PPARGC1A: variants seen among roughly 807,000 people sequenced by gnomAD.
PPARGC1A encodes peroxisome proliferator-activated receptor gamma coactivator 1-alpha.
Under a neutral mutation model 88.7 loss-of-function variants are expected in PPARGC1A, and 25 were observed. The ratio of observed to expected loss-of-function variants is 0.28; its 90% confidence interval spans 0.21 to 0.39. The LOEUF (loss-of-function observed/expected upper bound fraction) is 0.39, where lower values mean the gene tolerates loss of function less well. PPARGC1A is among the 10% of genes least tolerant of loss of function. PPARGC1A has a pLI of 1.00. For missense variants in PPARGC1A, 880 were observed against 968.7 expected, an observed-to-expected ratio of 0.91 and a Z score of 1.22; for synonymous variants, 363 against 355.6, an observed-to-expected ratio of 1.02 and a Z score of -0.24.
At chr4:24,223,737 T>C in the PPARGC1A span, among the ~76,000 whole-genome samples, 3 of 152,192 alleles carry the variant, frequency 2.0e-5, no homozygotes, top group African/African-American at 4.8e-5. Context: ...ATAGTAACTA[T>C]GGAAGTTGTA....
intron 3 of PPARGC1A, among the ~76,000 whole-genome samples, chr4:23,830,995 A>G (rs1196175423): frequency 6.6e-6 from 1 of 152,234 alleles, no homozygotes; most frequent in Non-Finnish European, 1.5e-5. Flanking sequence ...GATTGTATGT[A>G]TAAGAATAAA....
intron 7 of PPARGC1A, among the ~76,000 whole-genome samples, chr4:23,819,645 G>T (rs1722625379): frequency 6.6e-6 from 1 of 151,988 alleles, no homozygotes; most frequent in Non-Finnish European, 1.5e-5. Flanking sequence ...TTCCAGAGAA[G>T]AAAAATTAGG....
At chr4:24,112,651 G>A in the PPARGC1A span, among the ~76,000 whole-genome samples, 1 of 152,170 alleles carries the variant, frequency 6.6e-6, no homozygotes, top group Admixed American at 6.5e-5. Context: ...CTGTTAATGT[G>A]GTTGATGATT....
chr4:24,242,536 G>A, the PPARGC1A span, among the ~76,000 whole-genome samples: 3 of 152,110 alleles, frequency 2.0e-5, no homozygotes, highest in Non-Finnish European at 2.9e-5. Flanking sequence ...TGACCTCAGC[G>A]GCAGAGTTTG....
chr4:23,812,437 A>G (rs1018802185), intron 10 of PPARGC1A, among the ~76,000 whole-genome samples: 2 of 152,198 alleles, frequency 1.3e-5, no homozygotes, highest in African/African-American at 4.8e-5. Context: ...TCCTGTGATC[A>G]GAAAGAACAA....
At chr4:23,976,822 A>T in the PPARGC1A span, among the ~76,000 whole-genome samples, 478 of 152,260 alleles carry the variant, frequency 3.1e-3, 2 homozygotes, top group Non-Finnish European at 4.0e-3. Flanking sequence ...TGGCCTCCAG[A>T]ACTGTGAGAA....
At chr4:24,407,241 T>C in the PPARGC1A span, among the ~76,000 whole-genome samples, 1 of 152,336 alleles carries the variant, frequency 6.6e-6, no homozygotes, top group Non-Finnish European at 1.5e-5. Flanking sequence ...TTACTCTTCA[T>C]GTATAAACTG....
At chr4:23,802,532 G>C (rs1160350661) in intron 10 of PPARGC1A, among the ~76,000 whole-genome samples, 187 bp from the exon 11 acceptor site, 1 of 151,878 alleles carries the variant, frequency 6.6e-6, no homozygotes. Context: ...ACAAAAATTG[G>C]CCAGGTGTGG....
At chr4:24,443,368 C>T in the PPARGC1A span, among the ~76,000 whole-genome samples, 9 of 151,640 alleles carry the variant, frequency 5.9e-5, no homozygotes, top group South Asian at 2.1e-4. Flanking sequence ...TGAGAGATGA[C>T]GTCACACCTG....
In PPARGC1A at chr4:23,836,896, G is replaced by A. The variant is rs568658367; in HGVS notation, c.235-5145C>T. Among the ~76,000 whole-genome samples the A allele has an allele frequency of 3.3e-5, 5 of 152,266 alleles. No individual in the cohort carries two copies. In the South Asian group the frequency reaches 1.0e-3, roughly 32 times the overall value. ...CCACTAAATTAAGGAGGAGAGGAGG[G>A]ACTCTGAGATGCTAACTGCCACCTG... On this transcript the variant is annotated intron_variant, in intron 2 of 12. Coordinates refer to ENST00000264867, the MANE Select transcript of PPARGC1A (RefSeq NM_013261.5).
chr4:24,104,536 G>C, the PPARGC1A span, among the ~76,000 whole-genome samples: 1 of 152,142 alleles, frequency 6.6e-6, no homozygotes, highest in African/African-American at 2.4e-5. Context: ...GCAAAGGATG[G>C]ACCGTCCTTG....
the PPARGC1A span, among the ~76,000 whole-genome samples, chr4:24,159,815 GA>G: frequency 6.6e-6 from 1 of 152,174 alleles, no homozygotes. Flanking sequence ...TTGGCAGTCA[GA>G]ATTTGAGGTC....
chr4:24,368,202 G>C, the PPARGC1A span, among the ~76,000 whole-genome samples: 44 of 152,240 alleles, frequency 2.9e-4, no homozygotes, highest in African/African-American at 9.1e-4. Context: ...GAAAACTACA[G>C]TAAGAAGGAA....
intron 7 of PPARGC1A, 59 bp from the exon 8 acceptor site, chr4:23,814,664 A>C: frequency 4.4e-6 from 6 of 1,354,562 alleles, no homozygotes; most frequent in Non-Finnish European, 5.9e-6. Context: ...GACAGAGATA[A>C]TGTTCTTAAA....
At chr4:24,120,785 A>G in the PPARGC1A span, among the ~76,000 whole-genome samples, 1 of 152,138 alleles carries the variant, frequency 6.6e-6, no homozygotes, top group Non-Finnish European at 1.5e-5. Context: ...CAGGAAGGCC[A>G]TGAGTGTCTA....
the PPARGC1A span, among the ~76,000 whole-genome samples, chr4:24,449,244 G>A: frequency 1.3e-5 from 2 of 152,152 alleles, no homozygotes; most frequent in African/African-American, 4.8e-5. Flanking sequence ...TTGGGGAGAT[G>A]GATTTGAGGG....
the PPARGC1A span, among the ~76,000 whole-genome samples, chr4:24,345,952 C>G: frequency 1.3e-5 from 2 of 152,024 alleles, no homozygotes; most frequent in African/African-American, 4.8e-5. Context: ...AAGGTATATG[C>G]CTTGTATGCT....
the PPARGC1A span, among the ~76,000 whole-genome samples, chr4:24,345,268 A>ATT: frequency 6.8e-6 from 1 of 147,536 alleles, no homozygotes; most frequent in Admixed American, 6.8e-5. Flanking sequence ...GAATTTTAGA[A>ATT]TTTTTTTTTT....
chr4:23,830,240 A>G (rs529114191), intron 3 of PPARGC1A, among the ~76,000 whole-genome samples: 15 of 152,344 alleles, frequency 9.8e-5, no homozygotes, highest in African/African-American at 3.1e-4. Flanking sequence ...CTGATTTTAG[A>G]AAAGAAAAAA....
Sources: gnomAD v4.1 joint callset for allele counts (sites outside exome capture counted in the v4.1 genomes callset) on GRCh38, gnomAD v4.1.1 for gene constraint, MANE v1.5 for transcripts, NCBI Gene and HGNC (gene_info 2026-07-23, HGNC 2026-07-21) for gene names.